Variants in PTPRZ1 observed in about 807,000 individuals in gnomAD.
The protein encoded by PTPRZ1 is protein tyrosine phosphatase receptor type Z1, also known as receptor-type tyrosine-protein phosphatase zeta.
Under a neutral mutation model 214.1 loss-of-function variants are expected in PTPRZ1, and 82 were observed. The observed-to-expected ratio is 0.38, with a 90% CI of 0.32 to 0.46. The LOEUF (loss-of-function observed/expected upper bound fraction) is 0.46, where lower values mean the gene tolerates loss of function less well. Among genes scored for constraint, PTPRZ1 ranks in the 20% least tolerant of loss-of-function variants. The pLI is 1.00. For synonymous variants in PTPRZ1, 945 were observed against 987.9 expected, an observed-to-expected ratio of 0.96 and a Z score of 0.81; for missense variants, 2,603 against 2,748.7, an observed-to-expected ratio of 0.95 and a Z score of 1.19.
chr7:121,892,410 G>A (rs983743950), intron 1 of PTPRZ1, among the ~76,000 whole-genome samples: 18 of 152,080 alleles, frequency 1.2e-4, no homozygotes, highest in African/African-American at 4.3e-4. Flanking sequence ...GCAAGAGGAG[G>A]TGGGGTGGTG....
chr7:121,996,595 G>T, intron 9 of PTPRZ1, 29 bp downstream of exon 9: 6 of 1,474,204 alleles, frequency 4.1e-6, no homozygotes, highest in South Asian at 2.8e-5. Context: ...GTTTTACATA[G>T]GGTAACATTA....
intron 25 of PTPRZ1, among the ~76,000 whole-genome samples, chr7:122,052,529 T>C (rs1792218783): frequency 6.6e-6 from 1 of 152,142 alleles, no homozygotes; most frequent in East Asian, 1.9e-4. Context: ...AAAACCTCTG[T>C]TCTATTTATC....
intron 13 of PTPRZ1, 149 bp downstream of exon 13, chr7:122,019,417 G>A (rs371840296): frequency 1.3e-6 from 1 of 770,618 alleles, no homozygotes; most frequent in African/African-American, 1.8e-5. Flanking sequence ...GAATCCAAAG[G>A]CACAATAATG....
chr7:122,023,477 A>ATATAATTTTATATATAATTATATATATG (rs1170478395), intron 13 of PTPRZ1, among the ~76,000 whole-genome samples: 1 of 139,530 alleles, frequency 7.2e-6, no homozygotes, highest in Non-Finnish European at 1.5e-5. Context: ...TTATATATAT[A>ATATAATTTTATATATAATTATATATATG]TATAATTTTA....
Position 122,013,320 on chromosome 7 carries a change from GT to G in PTPRZ1, c.4275del (p.Asp1426MetfsTer30). Reference protein sequence around the residue: ...GGEDGDTDDDGDDDDDDRGSD... With the variant: ...GGEDGDTDDDXDDDDDDRGSD... ...GAAGATGGTGACACTGATGATGATG[GT>G]GATGATGATGATGATGACAGAGGTA... On this transcript the variant is annotated frameshift_variant, in exon 12 of 30. Transcript: ENST00000393386. LOFTEE classifies it high-confidence loss of function. 1 of 1,608,210 alleles carries G rather than the reference GT, an allele frequency of 6.2e-7. No individual in the cohort carries two copies. The highest frequency in any genetic ancestry group is 1.7e-5 in the Admixed American group (1 of 59,866).
intron 11 of PTPRZ1, among the ~76,000 whole-genome samples, chr7:122,007,053 G>GAATCA (rs1798512718): frequency 6.6e-6 from 1 of 151,854 alleles, no homozygotes; most frequent in African/African-American, 2.4e-5. Flanking sequence ...CTGGCCACCC[G>GAATCA]CCTAGAATGA....
intron 2 of PTPRZ1, among the ~76,000 whole-genome samples, chr7:121,953,126 A>T (rs993543130): frequency 1.3e-5 from 2 of 152,232 alleles, no homozygotes; most frequent in Admixed American, 6.5e-5. Flanking sequence ...TAAATTTGCT[A>T]TCTTTAAATA....
At chr7:121,993,377 C>A (rs1308173671) in intron 8 of PTPRZ1, among the ~76,000 whole-genome samples, 1 of 151,264 alleles carries the variant, frequency 6.6e-6, no homozygotes, top group Non-Finnish European at 1.5e-5. Flanking sequence ...CGGTGACCAT[C>A]CCGGCTAACA....
intron 27 of PTPRZ1, 83 bp from the exon 28 acceptor site, chr7:122,058,717 A>T (rs1792460111): frequency 8.0e-7 from 1 of 1,250,790 alleles, no homozygotes; most frequent in Admixed American, 2.1e-5. Context: ...TTATTACCTT[A>T]CTGTAATTCC....
intron 6 of PTPRZ1, 112 bp from the exon 7 acceptor site, chr7:121,983,553 C>G (rs1797678322): frequency 1.9e-6 from 2 of 1,065,912 alleles, no homozygotes; most frequent in Non-Finnish European, 2.7e-6. Flanking sequence ...GTTTCAAAAT[C>G]TCAGTTTTGA....
intron 2 of PTPRZ1, among the ~76,000 whole-genome samples, chr7:121,952,009 A>T (rs1796558203): frequency 6.8e-6 from 1 of 147,894 alleles, no homozygotes; most frequent in Non-Finnish European, 1.5e-5. Flanking sequence ...CCCAGGCTGG[A>T]GTGCAGTGAC....
intron 1 of PTPRZ1, among the ~76,000 whole-genome samples, chr7:121,883,472 A>G (rs2116175117): frequency 6.6e-6 from 1 of 152,322 alleles, no homozygotes; most frequent in East Asian, 1.9e-4. Context: ...CTTAACCACA[A>G]GTTCAGATTA....
chr7:121,997,854 T>C, intron 9 of PTPRZ1, 26 bp from the exon 10 acceptor site: 1 of 1,588,246 alleles, frequency 6.3e-7, no homozygotes, highest in Non-Finnish European at 8.6e-7. Context: ...ATAACATTTG[T>C]ATAATTACTA....
At position 121,874,459 on chromosome 7, in the gene PTPRZ1, G is replaced by A. The variant is rs149516639; in HGVS notation, c.58+902G>A. On this transcript the variant is annotated intron_variant, in intron 1 of 29. Transcript: ENST00000393386. ...TCGCGATAGAATATAATGGGTTTAC[G>A]CATTAACCTGAAAGTTACAAAGTGT... Among the ~76,000 whole-genome samples, 255 of 152,120 alleles carry A rather than the reference G, an allele frequency of 1.7e-3. 1 individual carries two copies. The highest frequency in any genetic ancestry group is 5.6e-3 in the African/African-American group (233 of 41,470).
At chr7:121,965,720 G>A (rs1349309092) in intron 2 of PTPRZ1, among the ~76,000 whole-genome samples, 1 of 152,150 alleles carries the variant, frequency 6.6e-6, no homozygotes, top group African/African-American at 2.4e-5. Context: ...ATCATAGGGT[G>A]GAAATTTTGG....
At chr7:121,877,666 A>T (rs558492027) in intron 1 of PTPRZ1, among the ~76,000 whole-genome samples, 2 of 152,276 alleles carry the variant, frequency 1.3e-5, no homozygotes, top group African/African-American at 4.8e-5. Flanking sequence ...ACATACAGAG[A>T]CTTAAACTCA....
At chr7:121,982,944 AT>A (rs773956383) in intron 6 of PTPRZ1, among the ~76,000 whole-genome samples, 6 of 151,904 alleles carry the variant, frequency 3.9e-5, no homozygotes, top group African/African-American at 9.7e-5. Context: ...TGCCCAGCTA[AT>A]TTTTTGTATT....
In PTPRZ1 at chr7:122,010,488, G is replaced by A. The variant is rs369032550; in HGVS notation, c.1442G>A (p.Arg481Gln). The change falls in exon 12 of 30, where the codon CGA becomes CAA. Residue 481 changes from arginine (R) to glutamine (Q), a missense_variant. By Grantham distance (43) the Arg-to-Gln change is conservative. Coordinates refer to ENST00000393386, the MANE Select transcript of PTPRZ1 (RefSeq NM_002851.3). Reference sequence around the variant, plus strand: ...AAATACAATGAAGCCAAGACTAACCGATCCCCAACAAGAGGAAGTGAATTC... The same window carrying A: ...AAATACAATGAAGCCAAGACTAACCAATCCCCAACAAGAGGAAGTGAATTC... ...GTKYNEAKTN[R>Q]SPTRGSEFSG... 19 of 1,613,858 alleles carry A rather than the reference G, an allele frequency of 1.2e-5. No individual in the cohort carries two copies. The highest frequency in any genetic ancestry group is 6.7e-5 in the African/African-American group (5 of 74,856).
intron 1 of PTPRZ1, among the ~76,000 whole-genome samples, chr7:121,900,914 T>G (rs560197241): frequency 6.6e-6 from 1 of 152,200 alleles, no homozygotes; most frequent in African/African-American, 2.4e-5. Flanking sequence ...CCATTTATCA[T>G]GTAGTTCAAC....
Sources: allele counts gnomAD v4.1 joint callset (sites outside exome capture counted in the v4.1 genomes callset), GRCh38; gene constraint gnomAD v4.1.1; transcripts MANE v1.5; gene names NCBI Gene and HGNC (gene_info 2026-07-23, HGNC 2026-07-21).